ELAVL2: variants seen among roughly 807,000 people sequenced by gnomAD.
The protein encoded by ELAVL2 is ELAV like RNA binding protein 2, also known as ELAV-like protein 2.
Under a neutral mutation model 34.6 loss-of-function variants are expected in ELAVL2, and 4 were observed. That is an observed-to-expected ratio of 0.12 (90% CI 0.06 to 0.26). The LOEUF is 0.26. Ranked by LOEUF, ELAVL2 falls within the 10% of genes least tolerant of loss-of-function variation. The probability of loss-of-function intolerance (pLI) is 1.00; values close to 1 mark genes in which losing one functional copy is unlikely to be tolerated. For missense variants in ELAVL2, 432 were observed against 442.8 expected (o/e 0.98, Z 0.22); for synonymous variants, 193 against 154.8 (o/e 1.25, Z -1.83).
At chr9:23,722,693 A>G (rs947939750) in intron 3 of ELAVL2, among the ~76,000 whole-genome samples, 4 of 152,226 alleles carry the variant, frequency 2.6e-5, no homozygotes, top group African/African-American at 9.7e-5. Context: ...ATGATACTAC[A>G]TTTCTGATGC....
intron 1 of ELAVL2, chr9:23,821,162 AAC>A (rs1286847999): frequency 5.2e-5 from 8 of 152,690 alleles, no homozygotes. Flanking sequence ...TTGCCAGTGC[AAC>A]ACAGGAATCC....
At chr9:23,829,540 G>A (rs1246476563), upstream of ELAVL2, 1 of 152,210 alleles carries the variant, frequency 6.6e-6, no homozygotes, top group Non-Finnish European at 1.5e-5. Flanking sequence ...GAATAAAAAT[G>A]TTATGTGTTA....
In ELAVL2 at chr9:23,790,060, A is replaced by T. The variant is rs527577130; in HGVS notation, c.-15-27811T>A. On this transcript the variant is annotated intron_variant, in intron 1 of 6. Coordinates refer to ENST00000397312, the MANE Select transcript of ELAVL2 (RefSeq NM_004432.5). The stretch of plus-strand genomic sequence containing the variant: ...TACACAAAATGACAGGTTGATGGTA[A>T]AAAAGGGGAAAAAAAAAAAACAACC... Among the ~76,000 whole-genome samples the T allele has an allele frequency of 1.9e-4, 28 of 151,244 alleles. No homozygotes were observed. The South Asian group carries it at 5.8e-3, about 31-fold the overall frequency.
intron 2 of ELAVL2, among the ~76,000 whole-genome samples, chr9:23,731,392 G>A (rs1036570327): frequency 2.0e-5 from 3 of 151,972 alleles, no homozygotes; most frequent in South Asian, 2.1e-4. Context: ...CCCTGCCTGA[G>A]CCAGAGTATA....
intron 1 of ELAVL2, among the ~76,000 whole-genome samples, chr9:23,782,074 G>C (rs888829757): frequency 2.0e-5 from 3 of 152,092 alleles, no homozygotes; most frequent in East Asian, 3.9e-4. Context: ...TCCCACCTCA[G>C]CCTCTCAAAG....
chr9:23,709,022 A>G (rs1384115743), intron 3 of ELAVL2, among the ~76,000 whole-genome samples: 1 of 152,180 alleles, frequency 6.6e-6, no homozygotes, highest in Non-Finnish European at 1.5e-5. Context: ...ACACATCATC[A>G]TTAGAATTTT....
In ELAVL2 at chr9:23,701,452, T is replaced by G. The variant is rs147394347; in HGVS notation, c.640A>C (p.Ile214Leu). ...GGAGACTGGTACAGCTGGGAAAGGA[T>G]GGCCTGATTGGTTTTTTGGCTTGGG... ...NNPSQKTNQA[I>L]LSQLYQSPNR... The change falls in exon 5 of 7, where the codon ATC becomes CTC. Residue 214 changes from isoleucine (I) to leucine (L), a missense_variant. By Grantham distance (5) the Ile-to-Leu change is conservative. Coordinates refer to ENST00000397312, the MANE Select transcript of ELAVL2 (RefSeq NM_004432.5). 1.2e-6 allele frequency: 2 copies of G among 1,614,132 alleles called. No individual in the cohort carries two copies. Among genetic ancestry groups the G allele is most frequent in the East Asian group, 2.2e-5 (1 of 44,842 alleles).
At chr9:23,701,643 CAGAAGG>C in intron 4 of ELAVL2, 39 bp from the exon 5 acceptor site, 1 of 1,598,248 alleles carries the variant, frequency 6.3e-7, no homozygotes, top group Middle Eastern at 1.7e-4. Context: ...AAAGAGGGAA[CAGAAGG>C]AGAAGGGAAG....
chr9:23,705,287 G>C (rs755889540), intron 3 of ELAVL2, among the ~76,000 whole-genome samples: 1 of 152,102 alleles, frequency 6.6e-6, no homozygotes, highest in Non-Finnish European at 1.5e-5. Context: ...ACAGGGAAGA[G>C]TATCTGTAAT....
chr9:23,692,831 G>A lies in ELAVL2; in HGVS notation c.806C>T (p.Pro269Leu), dbSNP rs2033635909. ...GMTSLAGINI[P>L]GHPGTGWCIF... ...ACACCACCCTGTTCCAGGGTGCCCA[G>A]GGATATTAATTCCAGCCAAACTGGT... The change falls in exon 7 of 7, where the codon CCT becomes CTT. Residue 269 changes from proline (P) to leucine (L), a missense_variant. By Grantham distance (98) the Pro-to-Leu change is moderately conservative. Coordinates refer to ENST00000397312, the MANE Select transcript of ELAVL2 (RefSeq NM_004432.5). 6.2e-7 allele frequency: 1 copy of A among 1,613,980 alleles called. No individual in the cohort carries two copies. Among genetic ancestry groups the A allele is most frequent in the African/African-American group, 1.3e-5 (1 of 74,916 alleles).
At chr9:23,714,056 T>C (rs1250378218) in intron 3 of ELAVL2, among the ~76,000 whole-genome samples, 2 of 152,304 alleles carry the variant, frequency 1.3e-5, no homozygotes, top group East Asian at 1.9e-4. Context: ...ACCATAAATG[T>C]TTTAATCATA....
At chr9:23,786,286 G>GT (rs1266215597) in intron 1 of ELAVL2, among the ~76,000 whole-genome samples, 4 of 152,132 alleles carry the variant, frequency 2.6e-5, no homozygotes. Context: ...TCAAAATGAT[G>GT]TAAGCAACAA....
intron 1 of ELAVL2, among the ~76,000 whole-genome samples, chr9:23,763,643 A>T (rs2055566530): frequency 6.6e-6 from 1 of 152,142 alleles, no homozygotes; most frequent in African/African-American, 2.4e-5. Flanking sequence ...CCTAAGAAAA[A>T]TAAAAGGGCA....
intron 2 of ELAVL2, among the ~76,000 whole-genome samples, chr9:23,750,031 G>GAAAAAAAAAAAAAAAA (rs10718431): frequency 7.3e-6 from 1 of 136,624 alleles, no homozygotes. Flanking sequence ...CTTAAAAAAG[G>GAAAAAAAAAAAAAAAA]AAAAAAAAAA....
At chr9:23,845,418 C>T in the ELAVL2 span, among the ~76,000 whole-genome samples, 1 of 151,520 alleles carries the variant, frequency 6.6e-6, no homozygotes. Flanking sequence ...ACTAAAAAAA[C>T]TTGGCCTGAA....
rs530555277 is a variant in ELAVL2 at position 23,788,142 on chromosome 9, T to C, written c.-15-25893A>G. On this transcript the variant is annotated intron_variant, in intron 1 of 6. Transcript: ENST00000397312. Reference sequence around the variant, plus strand: ...TAATGTAACCAATGGGTATGAATTTTAGGAAAATAAGGAAAAAATAACAGT... The same window carrying C: ...TAATGTAACCAATGGGTATGAATTTCAGGAAAATAAGGAAAAAATAACAGT... Among the ~76,000 whole-genome samples the C allele has an allele frequency of 7.9e-5, 12 of 152,278 alleles. No individual in the cohort carries two copies. In the South Asian group the frequency reaches 2.5e-3, roughly 32 times the overall value.
intron 1 of ELAVL2, among the ~76,000 whole-genome samples, chr9:23,780,589 C>CATTCTTCTTAT (rs1278010297): frequency 2.0e-5 from 3 of 152,168 alleles, no homozygotes; most frequent in Non-Finnish European, 4.4e-5. Flanking sequence ...CTTATACCAA[C>CATTCTTCTTAT]ATTCTTCTTA....
At chr9:23,694,901 C>A (rs1186537921) in intron 5 of ELAVL2, among the ~76,000 whole-genome samples, 1 of 152,082 alleles carries the variant, frequency 6.6e-6, no homozygotes, top group Admixed American at 6.6e-5. Context: ...CCTTGACCCA[C>A]CACCCTCTCA....
chr9:23,733,840 A>ACC (rs988498243), intron 2 of ELAVL2, among the ~76,000 whole-genome samples: 6 of 152,092 alleles, frequency 3.9e-5, no homozygotes, highest in African/African-American at 1.4e-4. Flanking sequence ...CATCACCACC[A>ACC]CCACCATCAG....
Sources: gnomAD v4.1 joint callset for allele counts (sites outside exome capture counted in the v4.1 genomes callset) on GRCh38, gnomAD v4.1.1 for gene constraint, MANE v1.5 for transcripts, NCBI Gene and HGNC (gene_info 2026-07-23, HGNC 2026-07-21) for gene names.